The following PLXNC1 variants were observed in gnomAD, a reference collection of about 807,000 sequenced individuals.
PLXNC1 encodes the protein plexin C1.
PLXNC1 carries 75 observed loss-of-function variants against 178.2 expected under a neutral mutation model. The ratio of observed to expected loss-of-function variants is 0.42; its 90% CI spans 0.35 to 0.51. PLXNC1 has a LOEUF of 0.51. Ranked by LOEUF, PLXNC1 falls within the 20% of genes least tolerant of loss-of-function variation. PLXNC1 has a pLI of 0.02. For missense variants in PLXNC1, 1,503 were observed against 1,984.4 expected, an observed-to-expected ratio of 0.76 and a Z score of 4.61; for synonymous variants, 790 against 779.9, an observed-to-expected ratio of 1.01 and a Z score of -0.22.
intron 5 of PLXNC1, among the ~76,000 whole-genome samples, chr12:94,215,574 A>ATAGG (rs1043328241): frequency 6.9e-6 from 1 of 145,794 alleles, no homozygotes; most frequent in Non-Finnish European, 1.6e-5. Context: ...AGATAGATAG[A>ATAGG]TAGATAGATA....
At chr12:94,217,164 T>C (rs1361707655) in intron 5 of PLXNC1, among the ~76,000 whole-genome samples, 1 of 152,222 alleles carries the variant, frequency 6.6e-6, no homozygotes, top group African/African-American at 2.4e-5. Context: ...CAGCGGACAC[T>C]GTAAGGTCCT....
intron 22 of PLXNC1, among the ~76,000 whole-genome samples, chr12:94,280,516 G>A (rs1966359269): frequency 6.6e-6 from 1 of 152,222 alleles, no homozygotes. Flanking sequence ...TTGGAAGTTT[G>A]AGACCATGCA....
chr12:94,260,509 T>TA lies in PLXNC1; in HGVS notation c.3252-115dup, dbSNP rs376806060. On this transcript the variant is annotated intron_variant, in intron 19 of 30. Coordinates refer to ENST00000258526, the MANE Select transcript of PLXNC1 (RefSeq NM_005761.3). This position sits in a 1 kb window ranked among gnomAD's most constrained non-coding sequence, Gnocchi z 4.4. ...ATAGAAGTGGTTAGAATCTAAACAT[T>TA]AAAAAAAAAAAAAAAAAAGCTCCCA... The TA allele has an allele frequency of 0.013, 6,456 of 484,308 alleles. 1 individual carries two copies. Among genetic ancestry groups the TA allele is most frequent in the South Asian group, 0.019 (670 of 35,212 alleles). 30.0% of individuals were successfully genotyped at this position (484,308 alleles called of 1,614,324 possible).
rs1961969830 is a variant in PLXNC1, at chr12:94,174,385, CCAGGCTGGTCT to C, written c.1203+5095_1203+5105del. On this transcript the variant is annotated intron_variant, in intron 2 of 30. Coordinates refer to ENST00000258526, the MANE Select transcript of PLXNC1 (RefSeq NM_005761.3). ...TATGGACAGGGTTTTGCCATGTTGC[CCAGGCTGGTCT>C]CAAACTCCTAGGCTCAAGAGATCCT... Among the ~76,000 whole-genome samples, 3 of 151,938 alleles carry C rather than the reference CCAGGCTGGTCT, an allele frequency of 2.0e-5. No individual in the cohort carries two copies. The South Asian group carries it at 6.2e-4, about 32-fold the overall frequency.
At chr12:94,266,321 C>T (rs1565840159) in intron 21 of PLXNC1, among the ~76,000 whole-genome samples, 1 of 152,232 alleles carries the variant, frequency 6.6e-6, no homozygotes, top group Admixed American at 6.5e-5. Context: ...CCATGCACAG[C>T]TGCCATCCGA....
chr12:94,206,789 G>T (rs558212026), intron 4 of PLXNC1, among the ~76,000 whole-genome samples: 3 of 152,166 alleles, frequency 2.0e-5, no homozygotes, highest in Admixed American at 6.5e-5. Flanking sequence ...TTGGCCTGAA[G>T]AAATTGAAAT....
At chr12:94,262,606 C>G (rs1369457164) in intron 20 of PLXNC1, 10 of 985,322 alleles carry the variant, frequency 1.0e-5, no homozygotes, top group African/African-American at 3.5e-5. Flanking sequence ...TCCAGCCAGT[C>G]GGCGATACTT....
At chr12:94,213,929 C>T (rs575813799) in intron 5 of PLXNC1, among the ~76,000 whole-genome samples, 62 of 149,822 alleles carry the variant, frequency 4.1e-4, no homozygotes, top group African/African-American at 1.3e-3. Flanking sequence ...TGCAGTGGCA[C>T]GTTCTAGGCT....
chr12:94,274,155 T>TAAAAAAAAAAAAAAAA (rs3060881), intron 21 of PLXNC1, among the ~76,000 whole-genome samples: 9 of 45,370 alleles, frequency 2.0e-4, no homozygotes, highest in African/African-American at 7.1e-4. Context: ...ACCCTGTCTC[T>TAAAAAAAAAAAAAAAA]AAAAAAAAAA....
chr12:94,286,616 C>CAA lies in PLXNC1; in HGVS notation c.3879+4240_3879+4241dup, dbSNP rs61238982. Among the ~76,000 whole-genome samples the CAA allele has an allele frequency of 1.8e-3, 185 of 101,400 alleles. 1 individual carries two copies. Among genetic ancestry groups the CAA allele is most frequent in the African/African-American group, 3.3e-3 (82 of 24,862 alleles). The allele number at this position is 101,400 out of a possible 152,430, so 66.5% of individuals were successfully genotyped here. ...TTGAGTCACTGTATGTGCTTAAAAG[C>CAA]AAAAAAAAAAAAAAAAAAAAAAAAA... On this transcript the variant is annotated intron_variant, in intron 23 of 30. Transcript: ENST00000258526.
intron 28 of PLXNC1, among the ~76,000 whole-genome samples, chr12:94,301,547 C>G (rs1968467018): frequency 6.6e-6 from 1 of 152,128 alleles, no homozygotes; most frequent in Non-Finnish European, 1.5e-5. Context: ...CTTTGCTGAT[C>G]AATAGTCCCA....
chr12:94,279,423 C>A (rs1051498882), intron 21 of PLXNC1, 49 bp from the exon 22 acceptor site: 14 of 1,533,262 alleles, frequency 9.1e-6, no homozygotes, highest in African/African-American at 1.4e-5. Flanking sequence ...AAATGCCTTT[C>A]AGATTGCAAT....
chr12:94,149,712 C>G lies in PLXNC1; in HGVS notation c.741C>G (p.Pro247=). The change falls in exon 1 of 31, where the codon CCC becomes CCG. Residue 247 remains proline, a synonymous_variant. Transcript: ENST00000258526. The part of the protein sequence containing the change: ...AFLWNGSIYF[P]YYPYNYTSGA... The stretch of plus-strand genomic sequence containing the variant: ...TCTGGAACGGCAGCATCTACTTCCC[C>G]TACTACCCCTACAACTACACGAGCG... The G allele has an allele frequency of 6.2e-7, 1 of 1,612,370 alleles. No homozygotes were observed. The highest frequency in any genetic ancestry group is 1.1e-5 in the South Asian group (1 of 90,890).
intron 10 of PLXNC1, among the ~76,000 whole-genome samples, chr12:94,240,237 T>A (rs1485833355): frequency 6.6e-6 from 1 of 152,196 alleles, no homozygotes; most frequent in Non-Finnish European, 1.5e-5. Flanking sequence ...TGGTTACACC[T>A]CCTTCCTTTC....
intron 1 of PLXNC1, among the ~76,000 whole-genome samples, chr12:94,156,191 T>C (rs1961160564): frequency 1.3e-5 from 2 of 152,232 alleles, no homozygotes; most frequent in Non-Finnish European, 2.9e-5. Context: ...TAACTCATAG[T>C]AAATGTTATG....
intron 5 of PLXNC1, among the ~76,000 whole-genome samples, chr12:94,215,587 T>TAGATAGATAGAC (rs1963623365): frequency 6.6e-6 from 1 of 151,694 alleles, no homozygotes; most frequent in Non-Finnish European, 1.5e-5. Flanking sequence ...GATAGATAGA[T>TAGATAGATAGAC]AGATATCAAA....
rs1019207137 is a variant in PLXNC1, at chr12:94,270,504, C to A, written c.3597+5279C>A. ...ACAAACAGGTTGGCCTCTTTCCTCC[C>A]CTTCTGGGACACAGCAATGGAAATG... On this transcript the variant is annotated intron_variant, in intron 21 of 30. Coordinates refer to ENST00000258526, the MANE Select transcript of PLXNC1 (RefSeq NM_005761.3). Among the ~76,000 whole-genome samples the A allele has an allele frequency of 2.6e-5, 4 of 152,188 alleles. No individual in the cohort carries two copies. The East Asian group carries it at 7.7e-4, about 29-fold the overall frequency.
At chr12:94,248,184 T>C (rs1197631713) in intron 13 of PLXNC1, 43 bp from the exon 14 acceptor site, 2 of 1,594,860 alleles carry the variant, frequency 1.3e-6, no homozygotes, top group Non-Finnish European at 1.7e-6. Flanking sequence ...CGTGAGTTTC[T>C]ACATGTGCTC....
intron 22 of PLXNC1, chr12:94,281,932 T>TA (rs1966472119): frequency 4.1e-6 from 1 of 246,278 alleles, no homozygotes; most frequent in Admixed American, 5.2e-5. Flanking sequence ...AACAGGAGCC[T>TA]ACAGAGATGG....
Sources: gnomAD v4.1 joint callset for allele counts (sites outside exome capture counted in the v4.1 genomes callset) on GRCh38, gnomAD v4.1.1 for gene constraint, Gnocchi (gnomAD v3.1) non-coding constraint, MANE v1.5 for transcripts, NCBI Gene and HGNC (gene_info 2026-07-23, HGNC 2026-07-21) for gene names.